Variants in TAFA5 observed in about 807,000 individuals in gnomAD.
TAFA5 encodes chemokine-like protein TAFA-5.
In TAFA5, 6 loss-of-function variants were observed where a neutral mutation model predicts 15.3. The observed-to-expected ratio is 0.39, with a 90% CI of 0.21 to 0.77. TAFA5 has a LOEUF of 0.77. Ranked by LOEUF, TAFA5 falls within the 30% of genes least tolerant of loss-of-function variation. TAFA5 has a pLI of 0.41. For missense variants in TAFA5, 161 were observed against 193.1 expected (o/e 0.83, Z 0.98); for synonymous variants, 103 against 80.7 (o/e 1.28, Z -1.48).
intron 1 of TAFA5, among the ~76,000 whole-genome samples, chr22:48,507,583 G>A (rs550156014): frequency 9.2e-5 from 14 of 152,308 alleles, no homozygotes; most frequent in African/African-American, 3.1e-4. Context: ...TTGCTTCCGT[G>A]GCATCCAGGG....
At chr22:48,691,834 G>A (rs1928552925) in intron 2 of TAFA5, among the ~76,000 whole-genome samples, 2 of 152,204 alleles carry the variant, frequency 1.3e-5, no homozygotes, top group South Asian at 4.1e-4. Flanking sequence ...GGAGACTCGG[G>A]CCCCAACTGT....
intron 3 of TAFA5, among the ~76,000 whole-genome samples, chr22:48,725,622 GAGTTT>G (rs937377406): frequency 1.3e-4 from 19 of 150,982 alleles, no homozygotes; most frequent in African/African-American, 4.4e-4. Context: ...TGTAAAAGTA[GAGTTT>G]AGTTGTGTAT....
chr22:48,706,027 G>A (rs916435537), intron 2 of TAFA5, among the ~76,000 whole-genome samples: 28 of 152,252 alleles, frequency 1.8e-4, no homozygotes, highest in South Asian at 2.1e-4. Flanking sequence ...GAAAGGGACC[G>A]GGGCTGCAGA....
chr22:48,610,170 A>G (rs954342892), intron 1 of TAFA5, among the ~76,000 whole-genome samples: 1 of 152,040 alleles, frequency 6.6e-6, no homozygotes, highest in Non-Finnish European at 1.5e-5. Context: ...GAGGCGGGGC[A>G]GGGAGGCCTT....
chr22:48,744,958 G>A (rs1325550098), intron 3 of TAFA5, among the ~76,000 whole-genome samples: 71 of 152,292 alleles, frequency 4.7e-4, no homozygotes, highest in Non-Finnish European at 1.0e-4. Context: ...GTTTCACCGT[G>A]TTAGTCAGGA....
chr22:48,655,926 G>A (rs1927227932), intron 2 of TAFA5, among the ~76,000 whole-genome samples: 1 of 130,768 alleles, frequency 7.6e-6, no homozygotes, highest in Middle Eastern at 4.9e-3. Flanking sequence ...TGCAACCTCC[G>A]CCTCCCAGGT....
chr22:48,513,081 G>C (rs1184667926), intron 1 of TAFA5, among the ~76,000 whole-genome samples: 2 of 152,130 alleles, frequency 1.3e-5, no homozygotes, highest in Non-Finnish European at 2.9e-5. Flanking sequence ...GCCACTCTGG[G>C]GTGCGTTTCT....
intron 1 of TAFA5, among the ~76,000 whole-genome samples, chr22:48,526,314 G>T (rs980373526): frequency 2.6e-5 from 4 of 152,230 alleles, no homozygotes; most frequent in African/African-American, 9.6e-5. Flanking sequence ...AGGAGCCGAG[G>T]GAGCTTTCCA....
chr22:48,536,758 G>A (rs963792248), intron 1 of TAFA5, among the ~76,000 whole-genome samples: 2 of 152,224 alleles, frequency 1.3e-5, no homozygotes, highest in Non-Finnish European at 2.9e-5. Context: ...CAGGCGGCGC[G>A]CACACACATG....
intron 1 of TAFA5, among the ~76,000 whole-genome samples, chr22:48,499,024 T>G (rs1358108496): frequency 6.6e-6 from 1 of 152,166 alleles, no homozygotes; most frequent in Non-Finnish European, 1.5e-5. Context: ...TGACTGTTTC[T>G]CTGTGCAGAG....
At chr22:48,657,519 C>G (rs888643321) in intron 2 of TAFA5, among the ~76,000 whole-genome samples, 2 of 152,216 alleles carry the variant, frequency 1.3e-5, no homozygotes, top group Non-Finnish European at 2.9e-5. Flanking sequence ...CACTTCTTAA[C>G]TCACTCTATG....
At chr22:48,707,223 G>A (rs929066752) in intron 2 of TAFA5, among the ~76,000 whole-genome samples, 1 of 152,156 alleles carries the variant, frequency 6.6e-6, no homozygotes, top group African/African-American at 2.4e-5. Context: ...AGTCAAGGAT[G>A]GGAAATCGAC....
chr22:48,536,500 C>T (rs967619796), intron 1 of TAFA5, among the ~76,000 whole-genome samples: 2 of 152,248 alleles, frequency 1.3e-5, no homozygotes, highest in African/African-American at 2.4e-5. Context: ...CTCAGGCGTG[C>T]GCCGTGGCTG....
Position 48,751,532 on chromosome 22 carries a change from C to T in TAFA5, c.*1685C>T, listed in dbSNP as rs902124162. Reference sequence around the variant, plus strand: ...ACTATATAGAAGCTGTTCCAGCAACCATAGACTGAAGATACGAAAGAAAAT... The same window carrying T: ...ACTATATAGAAGCTGTTCCAGCAACTATAGACTGAAGATACGAAAGAAAAT... On this transcript the variant is annotated 3_prime_UTR_variant, in exon 4 of 4. Transcript: ENST00000402357. 4 of 152,432 alleles carry T rather than the reference C, an allele frequency of 2.6e-5. No homozygotes were observed. The highest frequency in any genetic ancestry group is 9.6e-5 in the African/African-American group (4 of 41,470). 9.4% of individuals were successfully genotyped at this position (152,432 alleles called of 1,614,324 possible). A position where few individuals can be genotyped will look rare whatever the true frequency, so the allele number is the denominator to read the frequency against.
At chr22:48,660,567 A>AAT (rs1163302207) in intron 2 of TAFA5, among the ~76,000 whole-genome samples, 1 of 152,176 alleles carries the variant, frequency 6.6e-6, no homozygotes, top group Non-Finnish European at 1.5e-5. Flanking sequence ...TTAGCCGCAA[A>AAT]ATGCTGTGGC....
intron 1 of TAFA5, among the ~76,000 whole-genome samples, chr22:48,614,057 G>T (rs762486126): frequency 6.6e-6 from 1 of 152,206 alleles, no homozygotes; most frequent in Non-Finnish European, 1.5e-5. Flanking sequence ...CCCTGCACTT[G>T]CGAAGCGGTC....
At chr22:48,567,201 T>G (rs1293861257) in intron 1 of TAFA5, among the ~76,000 whole-genome samples, 1 of 152,224 alleles carries the variant, frequency 6.6e-6, no homozygotes, top group Non-Finnish European at 1.5e-5. Flanking sequence ...AAAAATGTGT[T>G]TGCTTCCCTG....
intron 1 of TAFA5, among the ~76,000 whole-genome samples, chr22:48,582,608 C>G (rs1924104956): frequency 6.7e-6 from 1 of 149,842 alleles, no homozygotes; most frequent in Admixed American, 6.7e-5. Flanking sequence ...ACACCACACG[C>G]CACACACAAA....
intron 1 of TAFA5, among the ~76,000 whole-genome samples, chr22:48,632,310 G>T (rs1456489127): frequency 2.6e-5 from 4 of 152,162 alleles, no homozygotes; most frequent in African/African-American, 9.7e-5. Flanking sequence ...ATCCCGCGGG[G>T]TGATTTTACA....
Sources: allele counts gnomAD v4.1 joint callset (sites outside exome capture counted in the v4.1 genomes callset), GRCh38; gene constraint gnomAD v4.1.1; transcripts MANE v1.5; gene names NCBI Gene and HGNC (gene_info 2026-07-23, HGNC 2026-07-21).